Variants in C2orf66 observed in about 807,000 individuals in gnomAD.
The protein encoded by C2orf66 is chromosome 2 open reading frame 66.
C2orf66 carries 6 observed loss-of-function variants against 7.0 expected under a neutral mutation model. The observed-to-expected ratio is 0.86, with a 90% confidence interval of 0.47 to 1.69. The LOEUF (loss-of-function observed/expected upper bound fraction) is 1.69, where lower values mean the gene tolerates loss of function less well. Among genes scored for constraint, C2orf66 ranks in the 40% most tolerant of loss-of-function variants. The pLI is 0.01. For synonymous variants in C2orf66, 38 were observed against 43.8 expected (o/e 0.87, Z 0.52); for missense variants, 107 against 112.0 (o/e 0.96, Z 0.20).
At chr2:196,823,676 T>C in the C2orf66 span, among the ~76,000 whole-genome samples, 1 of 139,536 alleles carries the variant, frequency 7.2e-6, no homozygotes. Flanking sequence ...AAGAAAGAAA[T>C]TATTATGTTA....
intron 2 of C2orf66, 99 bp downstream of exon 2, chr2:196,807,325 G>C: frequency 2.8e-6 from 2 of 703,004 alleles, no homozygotes; most frequent in South Asian, 4.0e-5. Flanking sequence ...ATTTCTATGA[G>C]GAAATAAAAT....
the C2orf66 span, among the ~76,000 whole-genome samples, chr2:196,827,032 AAAAACAAAAC>A: frequency 6.6e-4 from 100 of 151,028 alleles, no homozygotes; most frequent in Non-Finnish European, 8.2e-4. Context: ...ACTCTGTCTC[AAAAACAAAAC>A]AAAACAAAAC....
chr2:196,809,107 C>T, intron 1 of C2orf66, 107 bp downstream of exon 1: 1 of 1,232,504 alleles, frequency 8.1e-7, no homozygotes, highest in South Asian at 1.8e-5. Flanking sequence ...TTTCTCAACC[C>T]TTGGTAGCCC....
chr2:196,813,957 C>T (rs900267380), upstream of C2orf66, among the ~76,000 whole-genome samples: 2 of 152,154 alleles, frequency 1.3e-5, no homozygotes, highest in Non-Finnish European at 2.9e-5. Context: ...AATAGGAGCG[C>T]TTTTACACTG....
chr2:196,811,798 A>C (rs1448923832), upstream of C2orf66, among the ~76,000 whole-genome samples: 1 of 152,196 alleles, frequency 6.6e-6, no homozygotes, highest in African/African-American at 2.4e-5. Context: ...AAAGTTTAGA[A>C]TATGAGGAAA....
chr2:196,809,394 A>G (rs372316594), upstream of C2orf66: 135 of 1,606,194 alleles, frequency 8.4e-5, no homozygotes, highest in African/African-American at 1.5e-3. Flanking sequence ...TCATTGAGAG[A>G]GATAGTCAGG....
At chr2:196,811,832 T>C (rs867288615), upstream of C2orf66, among the ~76,000 whole-genome samples, 20 of 152,090 alleles carry the variant, frequency 1.3e-4, no homozygotes, top group Admixed American at 1.0e-3. Context: ...AACTTGAGCT[T>C]TGAGAAATTT....
chr2:196,829,758 G>A, the C2orf66 span, among the ~76,000 whole-genome samples: 47 of 147,696 alleles, frequency 3.2e-4, no homozygotes, highest in African/African-American at 8.8e-4. Context: ...TTAGACGGGC[G>A]TGGTGGCGGG....
chr2:196,820,229 G>A, the C2orf66 span, among the ~76,000 whole-genome samples: 2 of 152,176 alleles, frequency 1.3e-5, no homozygotes, highest in East Asian at 3.8e-4. Flanking sequence ...CCATTCAGAA[G>A]CAAAGCAGTT....
upstream of C2orf66, among the ~76,000 whole-genome samples, chr2:196,810,512 G>T (rs1699864198): frequency 6.6e-6 from 1 of 152,178 alleles, no homozygotes; most frequent in Non-Finnish European, 1.5e-5. Context: ...ATGGAAAAAA[G>T]ATAAATTACT....
the C2orf66 span, among the ~76,000 whole-genome samples, chr2:196,826,578 G>T: frequency 6.6e-6 from 1 of 152,142 alleles, no homozygotes; most frequent in Non-Finnish European, 1.5e-5. Context: ...GAAATGAGGA[G>T]TTCTTGTTTA....
chr2:196,814,373 G>A, the C2orf66 span, among the ~76,000 whole-genome samples: 2 of 152,078 alleles, frequency 1.3e-5, no homozygotes, highest in African/African-American at 4.8e-5. Flanking sequence ...GTTGAACAAT[G>A]AGAACACATG....
At chr2:196,808,138 A>G (rs1050320771) in intron 1 of C2orf66, among the ~76,000 whole-genome samples, 4 of 152,168 alleles carry the variant, frequency 2.6e-5, no homozygotes, top group Admixed American at 2.0e-4. Flanking sequence ...CCCAGAAAAG[A>G]ATTTAAGGGC....
At chr2:196,826,782 C>T in the C2orf66 span, among the ~76,000 whole-genome samples, 1 of 152,064 alleles carries the variant, frequency 6.6e-6, no homozygotes, top group Non-Finnish European at 1.5e-5. Flanking sequence ...CCTGTAACCC[C>T]AGCACTTTGG....
chr2:196,828,075 C>T, the C2orf66 span, among the ~76,000 whole-genome samples: 1 of 152,104 alleles, frequency 6.6e-6, no homozygotes, highest in Non-Finnish European at 1.5e-5. Context: ...TATGAAATTA[C>T]ATCTATTAAG....
At chr2:196,809,805 G>A (rs1699857018), upstream of C2orf66, 1 of 154,740 alleles carries the variant, frequency 6.5e-6, no homozygotes, top group Non-Finnish European at 1.4e-5. Flanking sequence ...ACACACATCT[G>A]AGACAGACAG....
chr2:196,808,822 G>A (rs1699842761), intron 1 of C2orf66, among the ~76,000 whole-genome samples: 1 of 152,118 alleles, frequency 6.6e-6, no homozygotes, highest in Admixed American at 6.6e-5. Context: ...GCAATCTCTA[G>A]TTATATGATA....
At chr2:196,810,939 G>T (rs144505027), upstream of C2orf66, among the ~76,000 whole-genome samples, 165 of 152,310 alleles carry the variant, frequency 1.1e-3, no homozygotes, top group East Asian at 0.019. Context: ...ACATATAAGT[G>T]AACAATCATT....
the C2orf66 span, among the ~76,000 whole-genome samples, chr2:196,831,248 T>G: frequency 1.3e-5 from 2 of 152,252 alleles, no homozygotes; most frequent in African/African-American, 4.8e-5. Flanking sequence ...GTCTGAGTTT[T>G]TCCCTGTTTA....
Sources: allele counts gnomAD v4.1 joint callset (sites outside exome capture counted in the v4.1 genomes callset), GRCh38; gene constraint gnomAD v4.1.1; transcripts MANE v1.5; gene names NCBI Gene and HGNC (gene_info 2026-07-23, HGNC 2026-07-21).